Variants in KASH5 observed in about 807,000 individuals in gnomAD.
KASH5 encodes the protein KASH domain containing 5, also known as protein KASH5.
Under a neutral mutation model 84.2 loss-of-function variants are expected in KASH5, and 72 were observed. The ratio of observed to expected loss-of-function variants is 0.85; its 90% CI spans 0.71 to 1.04. KASH5 has a LOEUF of 1.04. Among genes scored for constraint, KASH5 ranks in the 50% least tolerant of loss-of-function variants. The probability of loss-of-function intolerance (pLI) is 0.00; values close to 1 mark genes in which losing one functional copy is unlikely to be tolerated. For synonymous variants in KASH5, 260 were observed against 279.1 expected, an observed-to-expected ratio of 0.93 and a Z score of 0.68; for missense variants, 650 against 701.0, an observed-to-expected ratio of 0.93 and a Z score of 0.82.
rs1296758848 is a variant in KASH5 at position 49,412,563 on chromosome 19, C to G, written c.1270-405C>G. On this transcript the variant is annotated intron_variant, in intron 15 of 19. Transcript: ENST00000447857. The surrounding 1 kb of genome is among the most constrained non-coding windows in gnomAD (Gnocchi z 4.6). ...GAGGTACTTGGGTCCTGAGGGAGAG[C>G]AGATAGATCCAGCCCAAGTCTGGGA... Among the ~76,000 whole-genome samples, 3 of 152,060 alleles carry G rather than the reference C, an allele frequency of 2.0e-5. No homozygotes were observed. Among genetic ancestry groups the G allele is most frequent in the African/African-American group, 7.2e-5 (3 of 41,398 alleles).
In KASH5 at chr19:49,417,672, T is replaced by C. The variant is rs2122257052; in HGVS notation, c.*162T>C. The C allele has an allele frequency of 4.6e-6, 4 of 874,828 alleles. No individual in the cohort carries two copies. The Admixed American group carries it at 1.1e-4, about 24-fold the overall frequency. 54.2% of individuals were successfully genotyped at this position (874,828 alleles called of 1,614,324 possible). A position where few individuals can be genotyped will look rare whatever the true frequency, so the allele number is the denominator to read the frequency against. Reference sequence around the variant, plus strand: ...TTTTATGTGAAGTCTCCTAGTTTTTTAATGCTGACATTTCTTAACAATAGC... The same window carrying C: ...TTTTATGTGAAGTCTCCTAGTTTTTCAATGCTGACATTTCTTAACAATAGC... On this transcript the variant is annotated 3_prime_UTR_variant, in exon 20 of 20. Coordinates refer to ENST00000447857, the MANE Select transcript of KASH5 (RefSeq NM_144688.5). The surrounding 1 kb of genome is among the most constrained non-coding windows in gnomAD (Gnocchi z 5.2).
intron 5 of KASH5, among the ~76,000 whole-genome samples, chr19:49,397,244 A>C (rs1185218645): frequency 6.6e-6 from 1 of 151,974 alleles, no homozygotes; most frequent in Non-Finnish European, 1.5e-5. Context: ...GGAGAAAGCA[A>C]GGGCCGGGGC....
rs74879294 is a variant in KASH5, at chr19:49,394,906, G to A, written c.149-200G>A. On this transcript the variant is annotated intron_variant, in intron 3 of 19. Transcript: ENST00000447857. ...CATCCCCTTTGGTTTACCCTGTGAT[G>A]GGGGGATGACTGGGCCCCATTTCCA... 7,283 of 591,242 alleles carry A rather than the reference G, an allele frequency of 0.012. 381 individuals carry two copies. Among genetic ancestry groups the A allele is most frequent in the African/African-American group, 0.12 (6,364 of 53,500 alleles). The allele number at this position is 591,242 out of a possible 1,614,324, so 36.6% of individuals were successfully genotyped here.
chr19:49,402,713 A>T (rs1436852622), intron 9 of KASH5, among the ~76,000 whole-genome samples: 1 of 152,130 alleles, frequency 6.6e-6, no homozygotes. Flanking sequence ...TCTCAAAAAA[A>T]ATTTTTAAAA....
chr19:49,413,153 G>T, intron 16 of KASH5, 127 bp downstream of exon 16: 1 of 940,716 alleles, frequency 1.1e-6, no homozygotes, highest in Non-Finnish European at 1.6e-6. Flanking sequence ...TGTCTTCCGG[G>T]AGCAGAACCT....
intron 9 of KASH5, among the ~76,000 whole-genome samples, chr19:49,402,120 T>A (rs1032763647): frequency 3.3e-5 from 5 of 151,468 alleles, no homozygotes; most frequent in African/African-American, 1.2e-4. Flanking sequence ...CACACACCTG[T>A]AATCCCAGCT....
chr19:49,403,725 G>A (rs1974438828), intron 9 of KASH5, among the ~76,000 whole-genome samples: 2 of 152,198 alleles, frequency 1.3e-5, no homozygotes, highest in South Asian at 4.1e-4. Flanking sequence ...AGTAAGCAGG[G>A]TAAATAGCAA....
At chr19:49,394,261 G>C (rs1010080953) in intron 2 of KASH5, among the ~76,000 whole-genome samples, 1 of 152,170 alleles carries the variant, frequency 6.6e-6, no homozygotes, top group African/African-American at 2.4e-5. Flanking sequence ...CAGCAGGGGG[G>C]ACTTCCTGGT....
chr19:49,416,438 G>A lies in KASH5; in HGVS notation c.1375-577G>A, dbSNP rs756847143. Among the ~76,000 whole-genome samples, 4 of 152,142 alleles carry A rather than the reference G, an allele frequency of 2.6e-5. No individual in the cohort carries two copies. Among genetic ancestry groups the A allele is most frequent in the Admixed American group, 6.5e-5 (1 of 15,276 alleles). Reference sequence around the variant, plus strand: ...CATGTCCTGACCTTGTGATCCGCCCGCTTCAGCCTCCCAAAGTGCCGGGAT... The same window carrying A: ...CATGTCCTGACCTTGTGATCCGCCCACTTCAGCCTCCCAAAGTGCCGGGAT... On this transcript the variant is annotated intron_variant, in intron 17 of 19. Coordinates refer to ENST00000447857, the MANE Select transcript of KASH5 (RefSeq NM_144688.5). The surrounding 1 kb of genome is among the most constrained non-coding windows in gnomAD (Gnocchi z 5.4).
intron 1 of KASH5, 74 bp from the exon 2 acceptor site, chr19:49,390,715 G>A (rs1033078599): frequency 1.5e-6 from 1 of 648,062 alleles, no homozygotes; most frequent in Admixed American, 3.5e-5. Flanking sequence ...AGGTCCTGGG[G>A]CACAGGTGGG....
Position 49,395,601 on chromosome 19 carries a change from T to G in KASH5, c.336-168T>G. ...AAACCCACTCCTTGCCCCTCCTGCT[T>G]TTCCATCTGGCCACGGGCACTTGCC... On this transcript the variant is annotated intron_variant, in intron 4 of 19. Transcript: ENST00000447857. The surrounding 1 kb of genome is among the most constrained non-coding windows in gnomAD (Gnocchi z 4.4). 1 of 693,668 alleles carries G rather than the reference T, an allele frequency of 1.4e-6. No homozygotes were observed. The highest frequency in any genetic ancestry group is 2.7e-5 in the East Asian group (1 of 36,630). 43.0% of individuals were successfully genotyped at this position (693,668 alleles called of 1,614,324 possible). A position where few individuals can be genotyped will look rare whatever the true frequency, so the allele number is the denominator to read the frequency against.
rs1300712986 is a variant in KASH5 at position 49,398,136 on chromosome 19, C to T, written c.622C>T (p.Leu208Phe). ...GGAGATCTTGGCTCTGCGTAAGCAGCTTCACAGGTGGGCTGGATGCCACAC... is the reference window on the plus strand; with the variant it reads ...GGAGATCTTGGCTCTGCGTAAGCAGTTTCACAGGTGGGCTGGATGCCACAC... ...GEEILALRKQLHSTQQALQFA... is the reference protein window; with the variant it reads ...GEEILALRKQFHSTQQALQFA... Residue 208 changes from leucine to phenylalanine, a missense_variant, in exon 7 of 20, where the codon CTT (leucine) becomes TTT (phenylalanine). Transcript: ENST00000447857. The T allele has an allele frequency of 3.2e-6, 5 of 1,577,320 alleles. No individual in the cohort carries two copies. Among genetic ancestry groups the T allele is most frequent in the Non-Finnish European group, 4.3e-6 (5 of 1,154,772 alleles).
chr19:49,407,590 A>C, intron 11 of KASH5, 22 bp from the exon 12 acceptor site: 1 of 1,573,304 alleles, frequency 6.4e-7, no homozygotes. Flanking sequence ...TCCCAGTCTC[A>C]TTTGGCTTTC....
chr19:49,405,502 G>A (rs983791978), intron 9 of KASH5, among the ~76,000 whole-genome samples: 13 of 151,160 alleles, frequency 8.6e-5, no homozygotes, highest in Admixed American at 4.0e-4. Context: ...AAACTTTCTA[G>A]TATGAGATGA....
At position 49,417,294 on chromosome 19, in the gene KASH5, A is replaced by C; in HGVS notation, c.1547+28A>C. 1 of 1,600,994 alleles carries C rather than the reference A, an allele frequency of 6.2e-7. No homozygotes were observed. Among genetic ancestry groups the C allele is most frequent in the African/African-American group, 1.3e-5 (1 of 74,728 alleles). ...GTGCCCCCAGGCGTCTCCAGAAGGA[A>C]GGAGGTGGTCTGACATTGGGAAGAG... On this transcript the variant is annotated intron_variant, in intron 19 of 19. Coordinates refer to ENST00000447857, the MANE Select transcript of KASH5 (RefSeq NM_144688.5). This position sits in a 1 kb window ranked among gnomAD's most constrained non-coding sequence, Gnocchi z 5.2.
At chr19:49,394,777 T>G in intron 3 of KASH5, 197 bp downstream of exon 3, 2 of 591,092 alleles carry the variant, frequency 3.4e-6, no homozygotes, top group Non-Finnish European at 6.0e-6. Flanking sequence ...TGAGGAAAAC[T>G]TGGGGGACGT....
At chr19:49,409,094 G>A in intron 13 of KASH5, 63 bp downstream of exon 13, 1 of 1,575,418 alleles carries the variant, frequency 6.3e-7, no homozygotes, top group Non-Finnish European at 8.6e-7. Flanking sequence ...GGACACCCTG[G>A]CCTCCAGCCC....
intron 15 of KASH5, 135 bp downstream of exon 15, chr19:49,410,010 T>G: frequency 1.8e-6 from 2 of 1,142,688 alleles, no homozygotes; most frequent in Non-Finnish European, 2.4e-6. Context: ...GAGGGCCCAG[T>G]GTGTGCTGGA....
At chr19:49,396,242 A>ATTTTTTTTTTTTTTTTTTTTT (rs1568611428) in intron 5 of KASH5, among the ~76,000 whole-genome samples, 2 of 122,904 alleles carry the variant, frequency 1.6e-5, no homozygotes, top group African/African-American at 3.2e-5. Flanking sequence ...ACCCTGCTGG[A>ATTTTTTTTTTTTTTTTTTTTT]CTTTTTTTTT....
Sources: gnomAD v4.1 joint callset for allele counts (sites outside exome capture counted in the v4.1 genomes callset) on GRCh38, gnomAD v4.1.1 for gene constraint, Gnocchi (gnomAD v3.1) non-coding constraint, MANE v1.5 for transcripts, NCBI Gene and HGNC (gene_info 2026-07-23, HGNC 2026-07-21) for gene names.